EPHX1: variants seen among roughly 807,000 people sequenced by gnomAD.
EPHX1 encodes the protein epoxide hydrolase 1.
A neutral mutation model predicts 43.2 loss-of-function variants in EPHX1; 40 were observed. The observed-to-expected ratio is 0.93, with a 90% CI of 0.72 to 1.21. The LOEUF (loss-of-function observed/expected upper bound fraction) is 1.21. Among genes scored for constraint, EPHX1 ranks in the 50% most tolerant of loss-of-function variants. The pLI is 0.00. For missense variants in EPHX1, 550 were observed against 570.4 expected (o/e 0.96, Z 0.36); for synonymous variants, 221 against 226.7 (o/e 0.98, Z 0.22).
At chr1:225,810,383 G>A (rs913282657) in intron 1 of EPHX1, 1 of 152,098 alleles carries the variant, frequency 6.6e-6, no homozygotes, top group South Asian at 2.1e-4. Flanking sequence ...GGGGGAAGGA[G>A]CCTGCAGGCG....
At chr1:225,833,194 A>G (rs1667715083) in intron 3 of EPHX1, among the ~76,000 whole-genome samples, 1 of 152,232 alleles carries the variant, frequency 6.6e-6, no homozygotes, top group Admixed American at 6.5e-5. Context: ...TGTACATGTT[A>G]GGAATCTTAT....
intron 1 of EPHX1, among the ~76,000 whole-genome samples, chr1:225,826,447 CAAAAAAAAAAAA>C (rs374232833): frequency 5.9e-5 from 5 of 84,174 alleles, no homozygotes; most frequent in African/African-American, 2.6e-4. Flanking sequence ...GACTCTGTCT[CAAAAAAAAAAAA>C]AAAAAAAAAA....
intron 3 of EPHX1, among the ~76,000 whole-genome samples, chr1:225,833,764 C>T (rs950181494): frequency 2.1e-5 from 3 of 144,986 alleles, no homozygotes; most frequent in Non-Finnish European, 4.5e-5. Context: ...CACTGCACTC[C>T]AGCCTGGGCG....
chr1:225,838,583 G>A lies in EPHX1; in HGVS notation c.365-71G>A, dbSNP rs1382962088. On this transcript the variant is annotated intron_variant, in intron 3 of 8. Coordinates refer to ENST00000272167, the MANE Select transcript of EPHX1 (RefSeq NM_001136018.4). The stretch of plus-strand genomic sequence containing the variant: ...TGGCAGGACTCAATATCTAGGCTCT[G>A]GGGGGTGCCAGAGCCTGACCGTGCA... 2.2e-6 allele frequency: 3 copies of A among 1,369,196 alleles called. No individual in the cohort carries two copies. In the African/African-American group the frequency reaches 4.3e-5, roughly 20 times the overall value. 84.8% of individuals were successfully genotyped at this position (1,369,196 alleles called of 1,614,324 possible).
At chr1:225,842,550 T>C (rs763027083) in intron 7 of EPHX1, 76 bp downstream of exon 7, 1 of 1,045,968 alleles carries the variant, frequency 9.6e-7, no homozygotes, top group Non-Finnish European at 1.5e-6. Context: ...CATCCCCTTG[T>C]CTGGTTGCTC....
intron 1 of EPHX1, among the ~76,000 whole-genome samples, chr1:225,812,798 G>A (rs1042625995): frequency 5.3e-5 from 8 of 152,168 alleles, no homozygotes; most frequent in African/African-American, 1.9e-4. Flanking sequence ...GAAGTAGCTC[G>A]AAGCCCACCC....
rs1667615487 is a variant in EPHX1, at chr1:225,831,772, G to C, written c.184-7G>C. ...CTCTCAACTTGGGGTCCTGAATTTTGCTCCAGGACTTACACCAGAGGATCG... is the reference window on the plus strand; with the variant it reads ...CTCTCAACTTGGGGTCCTGAATTTTCCTCCAGGACTTACACCAGAGGATCG... On this transcript the variant is annotated splice_region_variant and splice_polypyrimidine_tract_variant and intron_variant, in intron 2 of 8. Coordinates refer to ENST00000272167, the MANE Select transcript of EPHX1 (RefSeq NM_001136018.4). 1 of 1,613,568 alleles carries C rather than the reference G, an allele frequency of 6.2e-7. No individual in the cohort carries two copies. Among genetic ancestry groups the C allele is most frequent in the Non-Finnish European group, 8.5e-7 (1 of 1,179,978 alleles).
chr1:225,821,565 C>CTTTTTTTTTTTTTT (rs869228485), intron 1 of EPHX1, among the ~76,000 whole-genome samples: 2 of 69,864 alleles, frequency 2.9e-5, no homozygotes, highest in Non-Finnish European at 2.5e-5. Context: ...TTTTTTGGTT[C>CTTTTTTTTTTTTTT]TTTTTTTTTT....
chr1:225,812,979 A>G (rs1470233198), intron 1 of EPHX1, among the ~76,000 whole-genome samples: 1 of 152,194 alleles, frequency 6.6e-6, no homozygotes, highest in Non-Finnish European at 1.5e-5. Context: ...TGGAAAAAAG[A>G]CTTGGCTCAT....
At position 225,839,929 on chromosome 1, in the gene EPHX1, A is replaced by G. The variant is rs35073925; in HGVS notation, c.823A>G (p.Thr275Ala). 777 of 1,614,200 alleles carry G rather than the reference A, an allele frequency of 4.8e-4. 7 individuals are homozygous for G. In the East Asian group the frequency reaches 0.015, roughly 30 times the overall value. ...GCGTTTCGGGAGGTTTCTTGGCCTC[A>G]CTGAGAGGGATGTGGAGCTGCTGTA... ...GQRFGRFLGL[T>A]ERDVELLYPV... The change falls in exon 6 of 9, where the codon ACT (threonine) becomes GCT (alanine). Residue 275 changes from threonine to alanine, a missense_variant. Transcript: ENST00000272167.
At chr1:225,831,660 A>AC (rs1667609039) in intron 2 of EPHX1, 119 bp from the exon 3 acceptor site, 7 of 963,784 alleles carry the variant, frequency 7.3e-6, no homozygotes, top group Non-Finnish European at 1.2e-5. Flanking sequence ...CTGCCTTGCC[A>AC]CTCCCAGAGG....
intron 2 of EPHX1, among the ~76,000 whole-genome samples, chr1:225,831,186 A>G (rs966287027): frequency 4.6e-5 from 7 of 152,206 alleles, no homozygotes; most frequent in Admixed American, 4.6e-4. Flanking sequence ...CTTTACAGAA[A>G]AAGTTTGCCG....
intron 1 of EPHX1, among the ~76,000 whole-genome samples, chr1:225,812,806 C>T (rs539014408): frequency 6.6e-6 from 1 of 152,186 alleles, no homozygotes; most frequent in Non-Finnish European, 1.5e-5. Flanking sequence ...TCGAAGCCCA[C>T]CCACTCGGGG....
Position 225,828,817 on chromosome 1 carries a change from G to A in EPHX1, c.88G>A (p.Glu30Lys), listed in dbSNP as rs760929828. The A allele has an allele frequency of 4.3e-6, 7 of 1,613,720 alleles. No homozygotes were observed. In the East Asian group the frequency reaches 1.6e-4, roughly 36 times the overall value. Residue 30 changes from glutamate (E) to lysine (K), a missense_variant, in exon 2 of 9, where the codon GAA becomes AAA. Transcript: ENST00000272167. ...GGACAAAGAGGAAACTTTGCCACTTGAAGATGGGTGGTGGGGGCCAGGCAC... is the reference window on the plus strand; with the variant it reads ...GGACAAAGAGGAAACTTTGCCACTTAAAGATGGGTGGTGGGGGCCAGGCAC... ...SRDKEETLPLEDGWWGPGTRS... is the reference protein window; with the variant it reads ...SRDKEETLPLKDGWWGPGTRS...
intron 3 of EPHX1, among the ~76,000 whole-genome samples, chr1:225,834,087 G>T: frequency 9.6e-6 from 1 of 103,946 alleles, no homozygotes; most frequent in African/African-American, 4.0e-5. Context: ...GACAGGGCAA[G>T]ACTCTGTCTC....
intron 1 of EPHX1, among the ~76,000 whole-genome samples, chr1:225,816,567 C>T (rs1476085320): frequency 6.6e-6 from 1 of 152,194 alleles, no homozygotes; most frequent in Non-Finnish European, 1.5e-5. Context: ...GGGCATCTCT[C>T]GGTCTTCTTG....
intron 3 of EPHX1, 134 bp from the exon 4 acceptor site, chr1:225,838,520 C>T: frequency 4.1e-6 from 3 of 728,370 alleles, no homozygotes; most frequent in Admixed American, 2.3e-5. Context: ...GCCCTTATTA[C>T]TGTCAATACC....
At chr1:225,816,627 C>T (rs1000920845) in intron 1 of EPHX1, among the ~76,000 whole-genome samples, 2 of 152,154 alleles carry the variant, frequency 1.3e-5, no homozygotes, top group Non-Finnish European at 2.9e-5. Context: ...TGGAAGTAGC[C>T]GTCCCCTCTC....
intron 1 of EPHX1, among the ~76,000 whole-genome samples, chr1:225,827,911 A>T (rs1667332346): frequency 2.4e-5 from 1 of 41,280 alleles, no homozygotes. Context: ...GGGCCTCCCC[A>T]TTACCCCGTC....
Sources: allele counts gnomAD v4.1 joint callset (sites outside exome capture counted in the v4.1 genomes callset), GRCh38; gene constraint gnomAD v4.1.1; transcripts MANE v1.5; gene names NCBI Gene and HGNC (gene_info 2026-07-23, HGNC 2026-07-21).